Variants in ITK observed in about 807,000 individuals in gnomAD.
ITK encodes the protein tyrosine-protein kinase ITK/TSK.
ITK carries 45 observed loss-of-function variants against 87.6 expected under a neutral mutation model. The observed-to-expected ratio is 0.51, with a 90% CI of 0.40 to 0.66. The LOEUF (loss-of-function observed/expected upper bound fraction) is 0.66, where lower values mean the gene tolerates loss of function less well. Ranked by LOEUF, ITK falls within the 30% of genes least tolerant of loss-of-function variation. The probability of loss-of-function intolerance (pLI) is 0.00; values close to 1 mark genes in which losing one functional copy is unlikely to be tolerated. For synonymous variants in ITK, 303 were observed against 273.6 expected (o/e 1.11, Z -1.06); for missense variants, 605 against 766.3 (o/e 0.79, Z 2.48).
intron 1 of ITK, among the ~76,000 whole-genome samples, chr5:157,198,455 G>A (rs567508533): frequency 1.6e-4 from 25 of 152,316 alleles, no homozygotes; most frequent in African/African-American, 4.1e-4. Flanking sequence ...CCCACAGTGC[G>A]AAATGCTGAG....
chr5:157,194,069 A>C (rs1753805757), intron 1 of ITK, among the ~76,000 whole-genome samples: 1 of 152,206 alleles, frequency 6.6e-6, no homozygotes. Context: ...GTGTAAAGGC[A>C]ACAGCATGCC....
Position 157,222,867 on chromosome 5 carries a change from C to T in ITK, c.500C>T (p.Pro167Leu), listed in dbSNP as rs377443972. 5.0e-6 allele frequency: 8 copies of T among 1,613,864 alleles called. No homozygotes were observed. In the African/African-American group the frequency reaches 9.4e-5, roughly 19 times the overall value. ...LPPTPEDNRR[P>L]LWEPEETVVI... is the part of the protein sequence containing the mutation. Reference sequence around the variant, plus strand: ...TTTGTTGTCTCTCTTCCCCAGCGACCACTTTGGGAACCTGAAGAAACTGTG... The same window carrying T: ...TTTGTTGTCTCTCTTCCCCAGCGACTACTTTGGGAACCTGAAGAAACTGTG... The change falls in exon 6 of 17, where the codon CCA becomes CTA. Residue 167 changes from proline to leucine, a missense_variant. Physicochemically the swap from Pro to Leu is moderately conservative, Grantham distance 98. Transcript: ENST00000422843.
At chr5:157,226,242 C>T (rs1043987276) in intron 6 of ITK, among the ~76,000 whole-genome samples, 3 of 152,250 alleles carry the variant, frequency 2.0e-5, no homozygotes, top group Middle Eastern at 6.8e-3. Context: ...GCTTTGTCTA[C>T]GTCACAGTGT....
intron 4 of ITK, among the ~76,000 whole-genome samples, chr5:157,217,609 C>A (rs964019989): frequency 6.6e-6 from 1 of 152,026 alleles, no homozygotes; most frequent in Non-Finnish European, 1.5e-5. Flanking sequence ...AAAGAGAGGG[C>A]CCCCGAATAT....
intron 1 of ITK, among the ~76,000 whole-genome samples, chr5:157,185,769 A>C (rs1021179900): frequency 2.2e-4 from 33 of 151,764 alleles, no homozygotes; most frequent in African/African-American, 8.0e-4. Context: ...CCTTGAGCCC[A>C]GGAGGTTGAG....
At chr5:157,217,555 G>A (rs547831703) in intron 4 of ITK, among the ~76,000 whole-genome samples, 7 of 152,246 alleles carry the variant, frequency 4.6e-5, no homozygotes, top group African/African-American at 1.7e-4. Context: ...TACAGGGAAG[G>A]GTGCAAGTCT....
chr5:157,214,792 A>G (rs1199069424), intron 4 of ITK, among the ~76,000 whole-genome samples: 2 of 152,324 alleles, frequency 1.3e-5, no homozygotes, highest in East Asian at 3.9e-4. Context: ...ATTTAATTAC[A>G]CAAATTCAAC....
At chr5:157,241,577 G>T in intron 10 of ITK, 69 bp from the exon 11 acceptor site, 1 of 1,037,764 alleles carries the variant, frequency 9.6e-7, no homozygotes, top group Admixed American at 1.7e-5. Context: ...ATTTTTTTTA[G>T]TGATTTAAGT....
At chr5:157,204,899 C>T (rs1427562494) in intron 1 of ITK, among the ~76,000 whole-genome samples, 3 of 152,136 alleles carry the variant, frequency 2.0e-5, no homozygotes, top group Non-Finnish European at 4.4e-5. Context: ...CTGCTTCTCG[C>T]ATCTTGAATT....
At chr5:157,193,932 T>A (rs964512804) in intron 1 of ITK, among the ~76,000 whole-genome samples, 2 of 152,172 alleles carry the variant, frequency 1.3e-5, no homozygotes, top group African/African-American at 4.8e-5. Context: ...CTGAACACTT[T>A]GTTAAGTATT....
At chr5:157,211,532 A>C (rs1411326306) in intron 3 of ITK, 164 bp downstream of exon 3, 4 of 664,518 alleles carry the variant, frequency 6.0e-6, no homozygotes, top group African/African-American at 1.8e-5. Context: ...GGAAGCAATA[A>C]CTGGTATCAT....
In ITK at chr5:157,202,879, C is replaced by G. The variant is rs17054349; in HGVS notation, c.139-6010C>G. On this transcript the variant is annotated intron_variant, in intron 1 of 16. Coordinates refer to ENST00000422843, the MANE Select transcript of ITK (RefSeq NM_005546.4). ...ATTGGACACTATCACTTTAGAACTT[C>G]ACATAGAATTTTTATCCCTGTTCAC... 3.9e-3 allele frequency among the ~76,000 whole-genome samples: 598 copies of G among 152,324 alleles called. 5 individuals carry two copies. The highest frequency in any genetic ancestry group is 0.014 in the African/African-American group (564 of 41,578).
chr5:157,220,889 C>T (rs1754400603), intron 5 of ITK, among the ~76,000 whole-genome samples: 1 of 152,026 alleles, frequency 6.6e-6, no homozygotes, highest in Non-Finnish European at 1.5e-5. Flanking sequence ...GACAGGGTGT[C>T]ACTCTGTTGC....
chr5:157,234,131 C>A (rs1378002364), intron 8 of ITK, among the ~76,000 whole-genome samples: 1 of 150,970 alleles, frequency 6.6e-6, no homozygotes, highest in African/African-American at 2.4e-5. Flanking sequence ...CAGGCATGTG[C>A]CATCACACCT....
At chr5:157,194,292 C>T (rs557943332) in intron 1 of ITK, among the ~76,000 whole-genome samples, 4 of 152,268 alleles carry the variant, frequency 2.6e-5, no homozygotes, top group African/African-American at 9.6e-5. Flanking sequence ...TTCACCTGAA[C>T]TCTATGGGCT....
chr5:157,240,009 T>A, intron 9 of ITK, 53 bp from the exon 10 acceptor site: 1 of 1,572,546 alleles, frequency 6.4e-7, no homozygotes, highest in Non-Finnish European at 8.7e-7. Context: ...GACTTTTTTG[T>A]GTCTCAACAT....
At position 157,231,381 on chromosome 5, in the gene ITK, T is replaced by G. The variant is rs1372352843; in HGVS notation, c.714-959T>G. On this transcript the variant is annotated intron_variant, in intron 7 of 16. Transcript: ENST00000422843. ...ATGCACAGCTCTAGGCAGCCACTAC[T>G]ATCGCTGATGGCCTGTGTGTGAGAT... Among the ~76,000 whole-genome samples the G allele has an allele frequency of 2.7e-4, 41 of 152,354 alleles. 1 individual carries two copies. The South Asian group carries it at 7.2e-3, about 27-fold the overall frequency.
intron 3 of ITK, among the ~76,000 whole-genome samples, chr5:157,212,158 A>G (rs781217164): frequency 1.3e-5 from 2 of 152,190 alleles, no homozygotes; most frequent in Non-Finnish European, 2.9e-5. Flanking sequence ...TTGACTAAAA[A>G]CAGTCATGGA....
intron 16 of ITK, among the ~76,000 whole-genome samples, chr5:157,251,816 A>G (rs1032001819): frequency 2.6e-5 from 4 of 152,074 alleles, no homozygotes; most frequent in African/African-American, 4.8e-5. Flanking sequence ...ATTTATATGG[A>G]TCTATATCTG....
Sources: allele counts gnomAD v4.1 joint callset (sites outside exome capture counted in the v4.1 genomes callset), GRCh38; gene constraint gnomAD v4.1.1; transcripts MANE v1.5; gene names NCBI Gene and HGNC (gene_info 2026-07-23, HGNC 2026-07-21).